Variants in ADCY9 observed in about 807,000 individuals in gnomAD.
ADCY9 encodes the protein adenylate cyclase 9, also known as adenylate cyclase type 9.
A neutral mutation model predicts 101.5 loss-of-function variants in ADCY9; 50 were observed. The observed-to-expected ratio is 0.49, with a 90% CI of 0.39 to 0.62. The LOEUF (loss-of-function observed/expected upper bound fraction) is 0.62, where lower values mean the gene tolerates loss of function less well. Ranked by LOEUF, ADCY9 falls within the 20% of genes least tolerant of loss-of-function variation. The pLI is 0.00. For missense variants in ADCY9, 1,662 were observed against 1,800.4 expected (o/e 0.92, Z 1.39); for synonymous variants, 905 against 769.3 (o/e 1.18, Z -2.92).
Position 3,977,878 on chromosome 16 carries a change from C to T in ADCY9, c.2680-248G>A, listed in dbSNP as rs1023507691. 7.9e-5 allele frequency among the ~76,000 whole-genome samples: 12 copies of T among 152,106 alleles called. No homozygotes were observed. In the South Asian group the frequency reaches 1.2e-3, roughly 16 times the overall value. ...ATGACAGGCTCCCGGCACCACACCT[C>T]GCTAATTTTTGTATTTTTAGTAAAG... is the stretch of plus-strand genomic sequence containing the variant. On this transcript the variant is annotated intron_variant, in intron 8 of 10. Coordinates refer to ENST00000294016, the MANE Select transcript of ADCY9 (RefSeq NM_001116.4).
intron 6 of ADCY9, among the ~76,000 whole-genome samples, chr16:3,984,527 C>G (rs760404425): frequency 1.2e-4 from 19 of 152,228 alleles, no homozygotes; most frequent in Non-Finnish European, 2.6e-4. Context: ...CAGGAACTAC[C>G]ACCCATCTCG....
chr16:4,114,086 C>A lies in ADCY9; in HGVS notation c.1357G>T (p.Glu453Ter). ...DCYYCVAGCP[E>*]PRADHAYCCI... ...CAGTAGGCATGGTCGGCCCGGGGCT[C>A]GGGACAGCCCGCCACGCAGTAGTAA... The change falls in exon 2 of 11, where the codon GAG becomes TAG. Residue 453 changes from glutamate to a stop codon, truncating the protein, a stop_gained. Transcript: ENST00000294016. LOFTEE classifies it high-confidence loss of function. The surrounding 1 kb of genome is among the most constrained non-coding windows in gnomAD (Gnocchi z 4.3). 6.2e-7 allele frequency: 1 copy of A among 1,613,784 alleles called. No individual in the cohort carries two copies. The highest frequency in any genetic ancestry group is 8.5e-7 in the Non-Finnish European group (1 of 1,180,026).
intron 6 of ADCY9, among the ~76,000 whole-genome samples, chr16:3,986,625 G>A (rs569824347): frequency 1.3e-5 from 2 of 152,008 alleles, no homozygotes; most frequent in African/African-American, 4.8e-5. Context: ...ACCTGGCTAA[G>A]TTTTGTATTT....
chr16:4,033,426 G>T (rs2056568984), intron 2 of ADCY9, among the ~76,000 whole-genome samples: 1 of 135,196 alleles, frequency 7.4e-6, no homozygotes. Context: ...GTCTCTCCTT[G>T]AAGTAATTTT....
intron 2 of ADCY9, among the ~76,000 whole-genome samples, chr16:4,080,161 A>G (rs1269452699): frequency 6.6e-6 from 1 of 152,208 alleles, no homozygotes; most frequent in East Asian, 1.9e-4. Context: ...ACTCAAACAC[A>G]AAATGACCAA....
chr16:4,046,840 A>C (rs1042596790), intron 2 of ADCY9, among the ~76,000 whole-genome samples: 13 of 137,358 alleles, frequency 9.5e-5, no homozygotes, highest in Admixed American at 2.7e-4. Flanking sequence ...AAAACAACAA[A>C]AAAAAAGTTT....
At chr16:4,090,048 T>C (rs2056963716) in intron 2 of ADCY9, among the ~76,000 whole-genome samples, 1 of 152,154 alleles carries the variant, frequency 6.6e-6, no homozygotes, top group Non-Finnish European at 1.5e-5. Context: ...GCAGCCACTG[T>C]GACCCAGCTG....
chr16:3,992,057 C>G lies in ADCY9; in HGVS notation c.2207+89G>C. ...CTGCACTGCAGCCTGGATGACAGAG[C>G]GAGACTCAGTCTTAAAGAAAAGAAA... On this transcript the variant is annotated intron_variant, in intron 5 of 10. Coordinates refer to ENST00000294016, the MANE Select transcript of ADCY9 (RefSeq NM_001116.4). This position sits in a 1 kb window ranked among gnomAD's most constrained non-coding sequence, Gnocchi z 4.2. 1 of 1,327,458 alleles carries G rather than the reference C, an allele frequency of 7.5e-7. No homozygotes were observed. The highest frequency in any genetic ancestry group is 1.0e-6 in the Non-Finnish European group (1 of 952,668). The allele number at this position is 1,327,458 out of a possible 1,614,324, so 82.2% of individuals were successfully genotyped here. A position where few individuals can be genotyped will look rare whatever the true frequency, so the allele number is the denominator to read the frequency against.
intron 2 of ADCY9, among the ~76,000 whole-genome samples, chr16:4,097,579 A>T (rs2057016590): frequency 1.0e-5 from 1 of 99,626 alleles, no homozygotes; most frequent in Non-Finnish European, 2.0e-5. Context: ...TTTAAGACAG[A>T]GTCTTGCTCT....
At chr16:4,107,623 A>C (rs1230211933) in intron 2 of ADCY9, among the ~76,000 whole-genome samples, 2 of 149,448 alleles carry the variant, frequency 1.3e-5, no homozygotes, top group Non-Finnish European at 1.5e-5. Flanking sequence ...AAGGAGACTG[A>C]GCTCTGCTAA....
intron 6 of ADCY9, among the ~76,000 whole-genome samples, chr16:3,984,807 A>G (rs1389339201): frequency 6.6e-6 from 1 of 152,186 alleles, no homozygotes; most frequent in Non-Finnish European, 1.5e-5. Flanking sequence ...GGCTGAGGGC[A>G]GGAGCTGGAG....
At chr16:4,071,903 C>T (rs1261519169) in intron 2 of ADCY9, among the ~76,000 whole-genome samples, 1 of 152,078 alleles carries the variant, frequency 6.6e-6, no homozygotes, top group Non-Finnish European at 1.5e-5. Flanking sequence ...CTCCACCTCC[C>T]GGGTTCAAGC....
At chr16:4,112,441 C>T (rs928094630) in intron 2 of ADCY9, among the ~76,000 whole-genome samples, 37 of 152,104 alleles carry the variant, frequency 2.4e-4, no homozygotes, top group African/African-American at 8.9e-4. Context: ...ATAAAAGATA[C>T]AGGAGCTCAG....
At chr16:4,007,582 C>A (rs759830235) in intron 2 of ADCY9, 24 bp from the exon 3 acceptor site, 28 of 1,579,076 alleles carry the variant, frequency 1.8e-5, no homozygotes, top group Admixed American at 5.5e-5. Context: ...AAGTTACAGT[C>A]AGCACAGATT....
At chr16:3,976,430 G>A (rs371139313) in intron 9 of ADCY9, among the ~76,000 whole-genome samples, 3 of 152,104 alleles carry the variant, frequency 2.0e-5, no homozygotes, top group African/African-American at 7.2e-5. Flanking sequence ...TACATTTTTT[G>A]TAGTACAATG....
intron 2 of ADCY9, among the ~76,000 whole-genome samples, chr16:4,042,351 A>T (rs920254113): frequency 6.6e-6 from 1 of 152,218 alleles, no homozygotes; most frequent in Non-Finnish European, 1.5e-5. Context: ...CATGTGAACC[A>T]GCATGTCTGG....
intron 2 of ADCY9, among the ~76,000 whole-genome samples, chr16:4,074,379 A>G (rs561343080): frequency 1.0e-3 from 159 of 152,072 alleles, no homozygotes; most frequent in Non-Finnish European, 2.1e-3. Context: ...ATAAATCGAT[A>G]GAAGAGATAA....
chr16:3,983,901 G>A (rs921524744), intron 6 of ADCY9: 1 of 156,984 alleles, frequency 6.4e-6, no homozygotes, highest in Admixed American at 6.3e-5. Context: ...CTCCAGCCTG[G>A]GCAACATAGC....
chr16:4,054,439 T>C (rs2056722987), intron 2 of ADCY9, among the ~76,000 whole-genome samples: 1 of 152,186 alleles, frequency 6.6e-6, no homozygotes, highest in Non-Finnish European at 1.5e-5. Context: ...TCTGAAATGA[T>C]TTTCACTCAA....
Sources: allele counts gnomAD v4.1 joint callset (sites outside exome capture counted in the v4.1 genomes callset), GRCh38; gene constraint gnomAD v4.1.1; non-coding constraint Gnocchi (gnomAD v3.1); transcripts MANE v1.5; gene names NCBI Gene and HGNC (gene_info 2026-07-23, HGNC 2026-07-21).